The following STIM1 variants were observed in gnomAD, a reference collection of about 807,000 sequenced individuals.
The protein encoded by STIM1 is stromal interaction molecule 1.
Under a neutral mutation model 74.7 loss-of-function variants are expected in STIM1, and 25 were observed. That is an observed-to-expected ratio of 0.33 (90% CI 0.24 to 0.47). STIM1 has a LOEUF of 0.47. Among genes scored for constraint, STIM1 ranks in the 20% least tolerant of loss-of-function variants. The pLI, the probability that STIM1 is intolerant of heterozygous loss-of-function variation, is 1.00. For synonymous variants in STIM1, 328 were observed against 348.8 expected (o/e 0.94, Z 0.66); for missense variants, 728 against 920.8 (o/e 0.79, Z 2.71).
intron 1 of STIM1, among the ~76,000 whole-genome samples, chr11:3,867,863 G>A (rs1565095345): frequency 6.9e-6 from 1 of 145,162 alleles, no homozygotes; most frequent in Non-Finnish European, 1.5e-5. Flanking sequence ...CAGGCAGGCA[G>A]GCAGGCAAGC....
intron 5 of STIM1, among the ~76,000 whole-genome samples, chr11:4,068,023 C>T (rs899157040): frequency 1.7e-4 from 26 of 152,154 alleles, no homozygotes; most frequent in African/African-American, 6.0e-4. Context: ...TTTATCTATA[C>T]ATTTGACAAG....
chr11:4,024,257 A>G (rs1277246588), intron 3 of STIM1, among the ~76,000 whole-genome samples: 1 of 152,132 alleles, frequency 6.6e-6, no homozygotes, highest in Non-Finnish European at 1.5e-5. Flanking sequence ...TAACCCTGGC[A>G]TAGGAATCTT....
At chr11:3,903,966 A>T (rs1362070239) in intron 1 of STIM1, among the ~76,000 whole-genome samples, 2 of 152,180 alleles carry the variant, frequency 1.3e-5, no homozygotes, top group Non-Finnish European at 2.9e-5. Context: ...TGGGAGGCTG[A>T]GGCGGGTAGA....
chr11:3,904,934 A>G (rs1378231867), intron 1 of STIM1, among the ~76,000 whole-genome samples: 3 of 152,118 alleles, frequency 2.0e-5, no homozygotes, highest in Admixed American at 1.3e-4. Context: ...TAGAGACTGT[A>G]GAAGTAGATG....
intron 1 of STIM1, among the ~76,000 whole-genome samples, chr11:3,949,660 CTGTGAAGGAT>C (rs1195577122): frequency 6.6e-6 from 1 of 152,096 alleles, no homozygotes; most frequent in Non-Finnish European, 1.5e-5. Flanking sequence ...TTTGGGAACC[CTGTGAAGGAT>C]TTTTTAAATT....
Position 4,010,962 on chromosome 11 carries a change from T to C in STIM1, c.271-12911T>C, listed in dbSNP as rs564180886. Among the ~76,000 whole-genome samples, 50 of 152,240 alleles carry C rather than the reference T, an allele frequency of 3.3e-4. 1 individual carries two copies. The highest frequency in any genetic ancestry group is 8.3e-4 in the South Asian group (4 of 4,828). ...CAACTCCCACTTATAAGTGAGAACA[T>C]GTGGTGTTTGGTTTTCTGTCCTTGT... On this transcript the variant is annotated intron_variant, in intron 2 of 12. Transcript: ENST00000526596.
At chr11:3,967,488 C>T in intron 1 of STIM1, 64 bp from the exon 2 acceptor site, 1 of 1,612,286 alleles carries the variant, frequency 6.2e-7, no homozygotes, top group East Asian at 2.2e-5. Context: ...GATGCTGACA[C>T]AGGTGGGTGA....
chr11:3,856,507 G>A (rs765891651), intron 1 of STIM1, 98 bp downstream of exon 1: 147 of 1,434,232 alleles, frequency 1.0e-4, no homozygotes, highest in Admixed American at 2.0e-4. Context: ...TACATGTGAG[G>A]TTCATGGAGG....
chr11:4,005,922 G>A lies in STIM1; in HGVS notation c.271-17951G>A, dbSNP rs144685500. Among the ~76,000 whole-genome samples, 206 of 152,238 alleles carry A rather than the reference G, an allele frequency of 1.4e-3. 1 individual carries two copies. The highest frequency in any genetic ancestry group is 3.4e-3 in the Middle Eastern group (1 of 294). On this transcript the variant is annotated intron_variant, in intron 2 of 12. Transcript: ENST00000526596. ...TAGAACTCTGTAAATGACATTTAGA[G>A]CTATTGTACCTGAAATATGGTATGC... is the stretch of plus-strand genomic sequence containing the variant.
intron 2 of STIM1, among the ~76,000 whole-genome samples, chr11:4,009,981 T>G (rs1051144537): frequency 1.3e-5 from 2 of 152,002 alleles, no homozygotes; most frequent in Non-Finnish European, 2.9e-5. Context: ...TGTAGCTAAT[T>G]TTAAAATTTT....
chr11:4,035,730 A>AT (rs1227590368), intron 3 of STIM1, among the ~76,000 whole-genome samples: 16 of 151,088 alleles, frequency 1.1e-4, no homozygotes, highest in African/African-American at 3.4e-4. Context: ...AAATTTTAAG[A>AT]TTTTTTTCTT....
intron 1 of STIM1, among the ~76,000 whole-genome samples, chr11:3,942,707 G>A (rs936780011): frequency 7.9e-5 from 12 of 152,180 alleles, no homozygotes; most frequent in African/African-American, 2.9e-4. Context: ...TCTTTGGCCA[G>A]CTGAAGGTTA....
intron 2 of STIM1, among the ~76,000 whole-genome samples, chr11:4,014,567 T>G (rs2093876610): frequency 6.6e-6 from 1 of 152,226 alleles, no homozygotes; most frequent in South Asian, 2.1e-4. Flanking sequence ...CTATTAGGTC[T>G]GCTTGGTCCA....
Position 4,059,337 on chromosome 11 carries a change from G to A in STIM1, c.554G>A (p.Ser185Asn). The A allele has an allele frequency of 6.2e-7, 1 of 1,614,112 alleles. No individual in the cohort carries two copies. ...TGTVLKMTDR[S>N]HRQKLQLKAL... ...ACTGTGCTGAAGATGACAGACCGGA[G>A]TCATCGGCAGAAGCTGCAGCTGAAG... The change falls in exon 5 of 13, where the codon AGT becomes AAT. Residue 185 changes from serine (S) to asparagine (N), a missense_variant. Physicochemically the swap from Ser to Asn is conservative, Grantham distance 46. Around this residue, in one of 5 missense-constraint regions of STIM1, gnomAD observed 132 missense variants for 158.2 expected, o/e 0.83. Coordinates refer to ENST00000526596, the MANE Select transcript of STIM1 (RefSeq NM_001382567.1).
chr11:4,074,729 A>G, intron 7 of STIM1, 50 bp downstream of exon 7: 2 of 1,539,376 alleles, frequency 1.3e-6, no homozygotes, highest in South Asian at 2.4e-5. Flanking sequence ...GGTAAAGGGC[A>G]GGGGCCCAGG....
At position 3,922,179 on chromosome 11, in the gene STIM1, C is replaced by T. The variant is rs149856358; in HGVS notation, c.140-45373C>T. 1.2e-3 allele frequency among the ~76,000 whole-genome samples: 179 copies of T among 152,230 alleles called. 1 individual carries two copies. Among genetic ancestry groups the T allele is most frequent in the African/African-American group, 4.2e-3 (173 of 41,556 alleles). On this transcript the variant is annotated intron_variant, in intron 1 of 12. Transcript: ENST00000526596. ...AGTTGTCTGACCTTCTTTTCAACATCTAGTATTTCCCTTTTTTATTTTAGC... is the reference window on the plus strand; with the variant it reads ...AGTTGTCTGACCTTCTTTTCAACATTTAGTATTTCCCTTTTTTATTTTAGC...
intron 1 of STIM1, among the ~76,000 whole-genome samples, chr11:3,915,597 C>T (rs1328842906): frequency 6.6e-6 from 1 of 151,980 alleles, no homozygotes; most frequent in African/African-American, 2.4e-5. Flanking sequence ...CGGGGTTTCA[C>T]GGTGTTAGCC....
chr11:3,895,669 T>TC (rs2092068814), intron 1 of STIM1, among the ~76,000 whole-genome samples: 31 of 39,818 alleles, frequency 7.8e-4, no homozygotes, highest in South Asian at 2.2e-3. Flanking sequence ...TTTCTTTCTT[T>TC]CTTTCCTTCC....
At position 3,856,185 on chromosome 11, in the gene STIM1, C is replaced by G; in HGVS notation, c.-86C>G. ...CCGCGAGGGCATCTTGCCTGGAGAC[C>G]GTCGGCTGCACTCCCGGGCTCCTGG... On this transcript the variant is annotated 5_prime_UTR_variant, in exon 1 of 13. Coordinates refer to ENST00000526596, the MANE Select transcript of STIM1 (RefSeq NM_001382567.1). 1 of 1,581,330 alleles carries G rather than the reference C, an allele frequency of 6.3e-7. No homozygotes were observed. The highest frequency in any genetic ancestry group is 1.3e-5 in the African/African-American group (1 of 74,518).
Sources: gnomAD v4.1 joint callset for allele counts (sites outside exome capture counted in the v4.1 genomes callset) on GRCh38, gnomAD v4.1.1 for gene constraint, gnomAD v4.1.1 regional missense constraint, MANE v1.5 for transcripts, NCBI Gene and HGNC (gene_info 2026-07-23, HGNC 2026-07-21) for gene names.